The following KDM3B variants were observed in gnomAD, a reference collection of about 807,000 sequenced individuals.
KDM3B encodes lysine-specific demethylase 3B.
Under a neutral mutation model 170.0 loss-of-function variants are expected in KDM3B, and 10 were observed. The ratio of observed to expected loss-of-function variants is 0.06; its 90% CI spans 0.04 to 0.10. The LOEUF is 0.10. Ranked by LOEUF, KDM3B falls within the 10% of genes least tolerant of loss-of-function variation. The pLI is 1.00. For synonymous variants in KDM3B, 831 were observed against 834.8 expected, an observed-to-expected ratio of 1.00 and a Z score of 0.08; for missense variants, 1,394 against 2,195.2, an observed-to-expected ratio of 0.64 and a Z score of 7.29.
chr5:138,435,084 G>A (rs952764987), intron 23 of KDM3B, among the ~76,000 whole-genome samples: 1 of 151,900 alleles, frequency 6.6e-6, no homozygotes, highest in Non-Finnish European at 1.5e-5. Context: ...AACTTTTATT[G>A]TGTGTTCCAA....
chr5:138,389,780 C>CTGTGTGTGTG (rs1230677685), intron 7 of KDM3B, among the ~76,000 whole-genome samples: 28 of 120,348 alleles, frequency 2.3e-4, no homozygotes, highest in African/African-American at 8.5e-4. Flanking sequence ...CTCTCTCTCT[C>CTGTGTGTGTG]TCTGTGTGTG....
At chr5:138,408,718 A>G (rs1762887939) in intron 11 of KDM3B, among the ~76,000 whole-genome samples, 1 of 152,222 alleles carries the variant, frequency 6.6e-6, no homozygotes, top group South Asian at 2.1e-4. Context: ...AAAGAATAAT[A>G]CATCATGAAC....
intron 1 of KDM3B, among the ~76,000 whole-genome samples, chr5:138,371,892 G>A (rs1466840828): frequency 1.3e-5 from 2 of 152,188 alleles, no homozygotes; most frequent in South Asian, 2.1e-4. Context: ...TGAGTCTGAG[G>A]TGTACAGATC....
At chr5:138,361,847 T>C (rs1177810200) in intron 1 of KDM3B, among the ~76,000 whole-genome samples, 1 of 152,208 alleles carries the variant, frequency 6.6e-6, no homozygotes, top group East Asian at 1.9e-4. Context: ...CTTTTTGGAA[T>C]ATTTATTGTA....
chr5:138,408,019 A>G (rs1762866897), intron 11 of KDM3B, among the ~76,000 whole-genome samples: 1 of 152,218 alleles, frequency 6.6e-6, no homozygotes, highest in African/African-American at 2.4e-5. Flanking sequence ...ATTCAGTTGC[A>G]GACATAGATG....
intron 20 of KDM3B, among the ~76,000 whole-genome samples, chr5:138,429,239 A>G (rs1763472738): frequency 6.6e-6 from 1 of 151,910 alleles, no homozygotes; most frequent in African/African-American, 2.4e-5. Context: ...TTTAGTAGAG[A>G]TGGGGTGTCA....
intron 11 of KDM3B, among the ~76,000 whole-genome samples, chr5:138,408,055 G>A (rs986130439): frequency 4.6e-5 from 7 of 152,196 alleles, no homozygotes; most frequent in African/African-American, 1.7e-4. Flanking sequence ...TCATGTTCAA[G>A]ATGGGAGCTT....
intron 3 of KDM3B, among the ~76,000 whole-genome samples, chr5:138,375,614 G>A (rs1194950902): frequency 3.3e-5 from 5 of 151,880 alleles, no homozygotes; most frequent in African/African-American, 1.2e-4. Context: ...TCCTGACCTC[G>A]TGATCCGCCC....
chr5:138,356,613 A>AT (rs1761453743), intron 1 of KDM3B, among the ~76,000 whole-genome samples: 1 of 96,616 alleles, frequency 1.0e-5, no homozygotes, highest in African/African-American at 3.8e-5. Flanking sequence ...AGTGGGTTGT[A>AT]TTTTGTTTCA....
chr5:138,405,458 A>G (rs1187967384), intron 11 of KDM3B, among the ~76,000 whole-genome samples: 3 of 152,106 alleles, frequency 2.0e-5, no homozygotes, highest in Non-Finnish European at 4.4e-5. Context: ...GGGAGCCATC[A>G]TCACTTCACT....
At position 138,420,747 on chromosome 5, in the gene KDM3B, T is replaced by G; in HGVS notation, c.3757T>G (p.Ser1253Ala). Residue 1253 changes from serine (S) to alanine (A), a missense_variant, in exon 15 of 24, where the codon TCA becomes GCA. Ser to Ala is a moderately conservative substitution (Grantham distance 99, BLOSUM62 1). This residue lies in a region of KDM3B where 137 missense variants were observed against 166.9 expected (regional missense o/e 0.82). Transcript: ENST00000314358. ...GTCGGTGCTCAATAAAGAGTCTCAT[T>G]CACCCTTTGGGCTGGACTCGTTCAA... Reference protein sequence around the residue: ...LRSVLNKESHSPFGLDSFNST... With the variant: ...LRSVLNKESHAPFGLDSFNST... The G allele has an allele frequency of 6.2e-7, 1 of 1,614,102 alleles. No individual in the cohort carries two copies. The highest frequency in any genetic ancestry group is 8.5e-7 in the Non-Finnish European group (1 of 1,180,012).
chr5:138,382,360 G>A (rs1762147036), intron 6 of KDM3B, among the ~76,000 whole-genome samples: 1 of 152,276 alleles, frequency 6.6e-6, no homozygotes, highest in Admixed American at 6.5e-5. Context: ...GCCGAGGTGG[G>A]AGAATCGCTA....
chr5:138,377,602 A>G (rs750329174), intron 3 of KDM3B, 118 bp from the exon 4 acceptor site: 47 of 682,126 alleles, frequency 6.9e-5, no homozygotes, highest in Middle Eastern at 5.9e-4. Flanking sequence ...CTAAGGTTCT[A>G]TAGATATTGT....
At chr5:138,371,247 T>A (rs553283241) in intron 1 of KDM3B, among the ~76,000 whole-genome samples, 25 of 152,114 alleles carry the variant, frequency 1.6e-4, no homozygotes, top group African/African-American at 6.0e-4. Flanking sequence ...ATTGCTTGGC[T>A]CCAGGAGTTT....
chr5:138,367,420 T>C (rs1372249388), intron 1 of KDM3B, among the ~76,000 whole-genome samples: 1 of 152,170 alleles, frequency 6.6e-6, no homozygotes, highest in Non-Finnish European at 1.5e-5. Flanking sequence ...TGAAGCCCCA[T>C]ATCACTTAGA....
At chr5:138,428,178 C>T in intron 20 of KDM3B, 92 bp downstream of exon 20, 28 of 1,213,624 alleles carry the variant, frequency 2.3e-5, no homozygotes, top group South Asian at 1.3e-4. Flanking sequence ...AGTGGCTTTT[C>T]CTTTTTTTTT....
At chr5:138,366,386 A>G (rs1021476542) in intron 1 of KDM3B, among the ~76,000 whole-genome samples, 2 of 151,800 alleles carry the variant, frequency 1.3e-5, no homozygotes, top group African/African-American at 4.8e-5. Flanking sequence ...GCTGGAGTGC[A>G]GTGGCGTGAT....
chr5:138,386,260 A>T lies in KDM3B; in HGVS notation c.1019A>T (p.Lys340Met). The T allele has an allele frequency of 2.5e-6, 4 of 1,614,214 alleles. No individual in the cohort carries two copies. Among genetic ancestry groups the T allele is most frequent in the Non-Finnish European group, 3.4e-6 (4 of 1,180,044 alleles). ...GAGCCAGGGCTGGATCAGAGAGCCA[A>T]GCAGCCACCGTCTACATTTGTCCCC... The part of the protein sequence containing the change: ...SGEPGLDQRA[K>M]QPPSTFVPQI... The change falls in exon 7 of 24, where the codon AAG (lysine) becomes ATG (methionine). Residue 340 changes from lysine to methionine, a missense_variant. Physicochemically the swap from Lys to Met is moderately conservative, Grantham distance 95. Transcript: ENST00000314358.
intron 11 of KDM3B, among the ~76,000 whole-genome samples, chr5:138,402,659 T>C (rs1762721032): frequency 6.6e-6 from 1 of 152,162 alleles, no homozygotes; most frequent in Non-Finnish European, 1.5e-5. Flanking sequence ...CCTCCTGCCA[T>C]AAACAATGAG....
Sources: gnomAD v4.1 joint callset for allele counts (sites outside exome capture counted in the v4.1 genomes callset) on GRCh38, gnomAD v4.1.1 for gene constraint, gnomAD v4.1.1 regional missense constraint, MANE v1.5 for transcripts, NCBI Gene and HGNC (gene_info 2026-07-23, HGNC 2026-07-21) for gene names.